Variants in MBTD1 observed in about 807,000 individuals in gnomAD.
The protein encoded by MBTD1 is MBT domain-containing protein 1.
Under a neutral mutation model 87.8 loss-of-function variants are expected in MBTD1, and 24 were observed. The observed-to-expected ratio is 0.27, with a 90% CI of 0.20 to 0.38. MBTD1 has a LOEUF of 0.38. Ranked by LOEUF, MBTD1 falls within the 10% of genes least tolerant of loss-of-function variation. The pLI is 1.00. For missense variants in MBTD1, 436 were observed against 760.2 expected, an observed-to-expected ratio of 0.57 and a Z score of 5.02; for synonymous variants, 237 against 248.6, an observed-to-expected ratio of 0.95 and a Z score of 0.44.
intron 2 of MBTD1, among the ~76,000 whole-genome samples, chr17:51,235,681 G>A (rs1010118167): frequency 1.3e-5 from 2 of 152,118 alleles, no homozygotes; most frequent in South Asian, 2.1e-4. Context: ...CTAGGAAGAC[G>A]TACTATGTTC....
At chr17:51,260,759 G>C, upstream of MBTD1, 2 of 1,581,540 alleles carry the variant, frequency 1.3e-6, no homozygotes, top group Non-Finnish European at 1.7e-6. Context: ...CGCGGCGGCC[G>C]CTGCGATTGC....
chr17:51,179,471 A>G lies in MBTD1; in HGVS notation c.*1105T>C, dbSNP rs2050196085. 2 of 78,894 alleles carry G rather than the reference A, an allele frequency of 2.5e-5. No homozygotes were observed. The highest frequency in any genetic ancestry group is 7.7e-4 in the South Asian group (2 of 2,602). 4.9% of individuals were successfully genotyped at this position (78,894 alleles called of 1,614,324 possible). On this transcript the variant is annotated 3_prime_UTR_variant, in exon 17 of 17. Transcript: ENST00000586178. ...ATTATTAAAATAAATCCTGAATACA[A>G]TTAAAGACAATTTTATATATATATA... is the stretch of plus-strand genomic sequence containing the variant.
intron 2 of MBTD1, among the ~76,000 whole-genome samples, chr17:51,245,626 C>A (rs1010810527): frequency 6.6e-6 from 1 of 151,966 alleles, no homozygotes; most frequent in Non-Finnish European, 1.5e-5. Flanking sequence ...AAATGTCCAT[C>A]TTTATCTCAG....
chr17:51,241,886 C>T (rs540060563), intron 2 of MBTD1, among the ~76,000 whole-genome samples: 2 of 152,250 alleles, frequency 1.3e-5, no homozygotes, highest in African/African-American at 2.4e-5. Context: ...GGTTTTATAA[C>T]TCGTTATTGT....
At chr17:51,206,203 C>T (rs1055751349) in intron 7 of MBTD1, among the ~76,000 whole-genome samples, 3 of 152,054 alleles carry the variant, frequency 2.0e-5, no homozygotes, top group African/African-American at 4.8e-5. Context: ...ATAAACAGAA[C>T]GGAAGAACCC....
At chr17:51,192,486 C>A in intron 15 of MBTD1, 1 of 627,736 alleles carries the variant, frequency 1.6e-6, no homozygotes, top group Non-Finnish European at 2.7e-6. Context: ...GCATTTATTA[C>A]CTACCAATAA....
At position 51,179,722 on chromosome 17, in the gene MBTD1, A is replaced by G. The variant is rs1201365161; in HGVS notation, c.*854T>C. On this transcript the variant is annotated 3_prime_UTR_variant, in exon 17 of 17. Transcript: ENST00000586178. ...GTTATACGAAGCTGTTATTTCACAGATAGAGGGAAATGGCAGAGAACTGAT... is the reference window on the plus strand; with the variant it reads ...GTTATACGAAGCTGTTATTTCACAGGTAGAGGGAAATGGCAGAGAACTGAT... 1.3e-5 allele frequency: 2 copies of G among 151,324 alleles called. No individual in the cohort carries two copies. Among genetic ancestry groups the G allele is most frequent in the African/African-American group, 4.9e-5 (2 of 41,180 alleles). 9.4% of individuals were successfully genotyped at this position (151,324 alleles called of 1,614,324 possible). A position where few individuals can be genotyped will look rare whatever the true frequency, so the allele number is the denominator to read the frequency against.
chr17:51,249,466 C>T (rs146803509), intron 2 of MBTD1: 177 of 152,152 alleles, frequency 1.2e-3, no homozygotes, highest in African/African-American at 4.0e-3. Flanking sequence ...ACTGTGAATT[C>T]TTTGTTGTGA....
At chr17:51,242,799 C>CTA (rs914482081) in intron 2 of MBTD1, among the ~76,000 whole-genome samples, 3 of 152,162 alleles carry the variant, frequency 2.0e-5, no homozygotes, top group African/African-American at 7.2e-5. Flanking sequence ...ATATGTACAG[C>CTA]TATATATATG....
chr17:51,188,753 GTTT>G (rs767959315), intron 16 of MBTD1, among the ~76,000 whole-genome samples: 6 of 108,880 alleles, frequency 5.5e-5, no homozygotes, highest in Admixed American at 1.0e-4. Context: ...ATTCAAATAG[GTTT>G]TTTTTTTTTT....
intron 8 of MBTD1, 151 bp downstream of exon 8, chr17:51,203,640 G>A (rs1318688988): frequency 7.9e-6 from 6 of 756,610 alleles, no homozygotes; most frequent in East Asian, 5.5e-5. Context: ...CAAGTGATCC[G>A]ACTGCCTTGG....
chr17:51,216,591 C>A (rs1386383455), intron 6 of MBTD1, among the ~76,000 whole-genome samples: 1 of 152,082 alleles, frequency 6.6e-6, no homozygotes, highest in African/African-American at 2.4e-5. Flanking sequence ...TGTGACTTAA[C>A]ATTTGGAGAC....
In MBTD1 at chr17:51,192,963, G is replaced by C. The variant is rs753960995; in HGVS notation, c.1509C>G (p.Leu503=). The C allele has an allele frequency of 2.5e-6, 4 of 1,614,060 alleles. No homozygotes were observed. The highest frequency in any genetic ancestry group is 3.4e-6 in the Non-Finnish European group (4 of 1,179,998). ...CTACACATATTAAACGTGGCTCCAT[G>C]AGATCTACTGCTTCTAATTTCATTC... ...RVGMKLEAVD[L]MEPRLICVAT... is the part of the protein sequence containing the mutation. Residue 503 remains leucine (L), a synonymous_variant, in exon 15 of 17, where the codon CTC becomes CTG. Transcript: ENST00000586178.
intron 12 of MBTD1, among the ~76,000 whole-genome samples, chr17:51,196,970 CTCAAT>C (rs1210269182): frequency 2.0e-5 from 3 of 148,994 alleles, no homozygotes; most frequent in Non-Finnish European, 4.5e-5. Flanking sequence ...CACCCAGACA[CTCAAT>C]TCAAGTTACA....
upstream of MBTD1, chr17:51,260,601 G>C: frequency 1.9e-6 from 3 of 1,612,570 alleles, no homozygotes; most frequent in Non-Finnish European, 2.5e-6. Flanking sequence ...CCGGAGCGGA[G>C]GAGACGAATG....
upstream of MBTD1, chr17:51,260,831 G>A: frequency 2.5e-6 from 4 of 1,597,416 alleles, no homozygotes; most frequent in Non-Finnish European, 3.4e-6. Context: ...GCTGGAGGAG[G>A]ACAAACCGGC....
At chr17:51,260,306 G>A (rs899646655), upstream of MBTD1, 10 of 530,900 alleles carry the variant, frequency 1.9e-5, no homozygotes, top group Non-Finnish European at 3.0e-5. Flanking sequence ...CTTTCAATAT[G>A]TTGCAGCTGC....
chr17:51,212,900 T>A (rs535713330), intron 6 of MBTD1, among the ~76,000 whole-genome samples: 2 of 152,246 alleles, frequency 1.3e-5, no homozygotes, highest in South Asian at 4.1e-4. Context: ...CTAATTTTTT[T>A]TCTATTTTTA....
chr17:51,179,033 A>C lies in MBTD1; in HGVS notation c.*1543T>G, dbSNP rs891445879. ...AATTGCTGGTTTTTTTTAACGTTCT[A>C]TGCATTTTAAAATTCAAACAAAAGT... On this transcript the variant is annotated 3_prime_UTR_variant, in exon 17 of 17. Transcript: ENST00000586178. The C allele has an allele frequency of 6.6e-6, 1 of 152,134 alleles. No homozygotes were observed. The highest frequency in any genetic ancestry group is 2.4e-5 in the African/African-American group (1 of 41,450). The allele number at this position is 152,134 out of a possible 1,614,324, so 9.4% of individuals were successfully genotyped here.
Sources: allele counts gnomAD v4.1 joint callset (sites outside exome capture counted in the v4.1 genomes callset), GRCh38; gene constraint gnomAD v4.1.1; transcripts MANE v1.5; gene names NCBI Gene and HGNC (gene_info 2026-07-23, HGNC 2026-07-21).